The following CD1E variants were observed in gnomAD, a reference collection of about 807,000 sequenced individuals.
CD1E encodes the protein CD1e molecule, also known as T-cell surface glycoprotein CD1e, membrane-associated.
CD1E carries 49 observed loss-of-function variants against 40.1 expected under a neutral mutation model. That is an observed-to-expected ratio of 1.22 (90% CI 0.97 to 1.55). The LOEUF is 1.55. Among genes scored for constraint, CD1E ranks in the 40% most tolerant of loss-of-function variants. The pLI is 0.00. For missense variants in CD1E, 492 were observed against 471.3 expected, an observed-to-expected ratio of 1.04 and a Z score of -0.41; for synonymous variants, 189 against 178.3, an observed-to-expected ratio of 1.06 and a Z score of -0.48.
rs60818597 is a variant in CD1E, at chr1:158,356,199, C to T, written c.904+94C>T. 8,693 of 1,400,216 alleles carry T rather than the reference C, an allele frequency of 6.2e-3. 436 individuals carry two copies. The African/African-American group carries it at 0.11, about 17-fold the overall frequency. The allele number at this position is 1,400,216 out of a possible 1,614,324, so 86.7% of individuals were successfully genotyped here. On this transcript the variant is annotated intron_variant, in intron 4 of 5. Coordinates refer to ENST00000368167, the MANE Select transcript of CD1E (RefSeq NM_030893.4). ...AGGAAATGGGTAGGAATGCTAGGTACAAGAAGGGTAAAACTGGGACAATCA... is the reference window on the plus strand; with the variant it reads ...AGGAAATGGGTAGGAATGCTAGGTATAAGAAGGGTAAAACTGGGACAATCA...
At position 158,355,842 on chromosome 1, in the gene CD1E, G is replaced by A. The variant is rs776884208; in HGVS notation, c.641G>A (p.Trp214Ter). Residue 214 changes from tryptophan (W) to a stop codon, truncating the protein, a stop_gained, in exon 4 of 6, where the codon TGG becomes TAG. Transcript: ENST00000368167. LOFTEE classifies it high-confidence loss of function. ...ELKRKVKPEAWLSCGPSPGPG... is the reference protein window; with the variant it reads ...ELKRKVKPEA ...TTCTTCCTAGTGAAGCCAGAGGCCT[G>A]GCTGTCCTGTGGCCCCAGTCCTGGC... 1 of 1,613,336 alleles carries A rather than the reference G, an allele frequency of 6.2e-7. No homozygotes were observed. The highest frequency in any genetic ancestry group is 1.3e-5 in the African/African-American group (1 of 74,998).
rs149163969 is a variant in CD1E at position 158,355,604 on chromosome 1, A to G, written c.625+35A>G. 8.8e-3 allele frequency: 14,016 copies of G among 1,597,230 alleles called. 92 individuals carry two copies. The highest frequency in any genetic ancestry group is 9.0e-3 in the Non-Finnish European group (10,491 of 1,171,204). ...ACTCTCTCTCTCCCCTCTTGTTCCT[A>G]GTACTATAACTCTCATATTTGAATT... On this transcript the variant is annotated intron_variant, in intron 3 of 5. Transcript: ENST00000368167.
rs778114294 is a variant in CD1E at position 158,355,996 on chromosome 1, G to C, written c.795G>C (p.Glu265Asp). Reference sequence around the variant, plus strand: ...GGGACGTCCTGCCTAATGCTGACGAGACATGGTATCTCCGAGCAACCCTGG... The same window carrying C: ...GGGACGTCCTGCCTAATGCTGACGACACATGGTATCTCCGAGCAACCCTGG... Reference protein sequence around the residue: ...QRGDVLPNADETWYLRATLDV... With the variant: ...QRGDVLPNADDTWYLRATLDV... Residue 265 changes from glutamate to aspartate, a missense_variant, in exon 4 of 6, where the codon GAG becomes GAC. Coordinates refer to ENST00000368167, the MANE Select transcript of CD1E (RefSeq NM_030893.4). 3.8e-5 allele frequency: 61 copies of C among 1,614,068 alleles called. No individual in the cohort carries two copies. The highest frequency in any genetic ancestry group is 5.0e-5 in the Non-Finnish European group (59 of 1,180,050).
In CD1E at chr1:158,356,540, T is replaced by A. The variant is rs770494929; in HGVS notation, c.947T>A (p.Ile316Lys). 2 of 1,613,984 alleles carry A rather than the reference T, an allele frequency of 1.2e-6. No homozygotes were observed. Among genetic ancestry groups the A allele is most frequent in the East Asian group, 2.2e-5 (1 of 44,872 alleles). The change falls in exon 5 of 6, where the codon ATA becomes AAA. Residue 316 changes from isoleucine to lysine, a missense_variant. Ile to Lys is a moderately radical substitution (Grantham distance 102). Coordinates refer to ENST00000368167, the MANE Select transcript of CD1E (RefSeq NM_030893.4). ...CTCATCCTGATCTGTTTGACTGTGA[T>A]AGTTACCCTGGTCATATTGGTTGTA... ...IFLILICLTV[I>K]VTLVILVVVD...
chr1:158,354,215 G>C, intron 1 of CD1E, 162 bp from the exon 2 acceptor site: 1 of 931,378 alleles, frequency 1.1e-6, no homozygotes, highest in Non-Finnish European at 1.6e-6. Context: ...CTCAGTTTTT[G>C]TCTCTGATTT....
chr1:158,354,281 C>G (rs1312225897), intron 1 of CD1E, 96 bp from the exon 2 acceptor site: 1 of 1,202,232 alleles, frequency 8.3e-7, no homozygotes, highest in African/African-American at 1.5e-5. Context: ...TACAAGCTAC[C>G]TAACTGTCTC....
At position 158,356,553 on chromosome 1, in the gene CD1E, C is replaced by T; in HGVS notation, c.960C>T (p.Val320=). The change falls in exon 5 of 6, where the codon GTC becomes GTT. Residue 320 remains valine (V), a synonymous_variant. Coordinates refer to ENST00000368167, the MANE Select transcript of CD1E (RefSeq NM_030893.4). ...GTTTGACTGTGATAGTTACCCTGGT[C>T]ATATTGGTTGTAGTTGACTCACGGT... ...LICLTVIVTL[V]ILVVVDSRLK... The T allele has an allele frequency of 6.2e-7, 1 of 1,613,752 alleles. No individual in the cohort carries two copies. The highest frequency in any genetic ancestry group is 1.3e-5 in the African/African-American group (1 of 75,016).
Position 158,356,775 on chromosome 1 carries a change from T to C in CD1E, c.1046T>C (p.Leu349Pro), listed in dbSNP as rs375727294. ...CCCCACACACCCAGCCCTGTCTTTC[T>C]CATGGGAGCCAACACTCAGGACACC... The part of the protein sequence containing the change: ...LSPHTPSPVF[L>P]MGANTQDTKN... The change falls in exon 6 of 6, where the codon CTC becomes CCC. Residue 349 changes from leucine (L) to proline (P), a missense_variant. Coordinates refer to ENST00000368167, the MANE Select transcript of CD1E (RefSeq NM_030893.4). The C allele has an allele frequency of 2.5e-6, 4 of 1,613,876 alleles. No individual in the cohort carries two copies. The highest frequency in any genetic ancestry group is 1.3e-5 in the African/African-American group (1 of 74,870).
At position 158,353,918 on chromosome 1, in the gene CD1E, A is replaced by C. The variant is rs548896452; in HGVS notation, c.-71A>C. On this transcript the variant is annotated 5_prime_UTR_variant, in exon 1 of 6. Coordinates refer to ENST00000368167, the MANE Select transcript of CD1E (RefSeq NM_030893.4). ...CAGACGAGAGTGCAAGAGGGTGTGG[A>C]GAGGGGTACTGATATCTGAATTATT... 216 of 1,202,858 alleles carry C rather than the reference A, an allele frequency of 1.8e-4. 1 individual carries two copies. The highest frequency in any genetic ancestry group is 2.5e-4 in the Non-Finnish European group (205 of 807,284). 74.5% of individuals were successfully genotyped at this position (1,202,858 alleles called of 1,614,324 possible). A position where few individuals can be genotyped will look rare whatever the true frequency, so the allele number is the denominator to read the frequency against.
rs1267217406 is a variant in CD1E at position 158,356,741 on chromosome 1, A to G, written c.1012A>G (p.Ile338Val). Residue 338 changes from isoleucine to valine, a missense_variant, in exon 6 of 6, where the codon ATT (isoleucine) becomes GTT (valine). Transcript: ENST00000368167. ...CTTTTCCCACAGTTCAAATAAGAAC[A>G]TTCTTTCTCCCCACACACCCAGCCC... ...RLKKQSSNKN[I>V]LSPHTPSPVF... The G allele has an allele frequency of 6.2e-7, 1 of 1,613,166 alleles. No homozygotes were observed. The highest frequency in any genetic ancestry group is 8.5e-7 in the Non-Finnish European group (1 of 1,179,888).
Position 158,355,496 on chromosome 1 carries a change from C to A in CD1E, c.552C>A (p.Ser184Arg). The change falls in exon 3 of 6, where the codon AGC becomes AGA. Residue 184 changes from serine (S) to arginine (R), a missense_variant. Transcript: ENST00000368167. The part of the protein sequence containing the change: ...RYLDIKEILQ[S>R]LLGHTCPRFL... Reference sequence around the variant, plus strand: ...TAGATATTAAGGAAATACTGCAAAGCCTTCTTGGTCACACCTGCCCTCGAT... The same window carrying A: ...TAGATATTAAGGAAATACTGCAAAGACTTCTTGGTCACACCTGCCCTCGAT... 1 of 1,614,106 alleles carries A rather than the reference C, an allele frequency of 6.2e-7. No individual in the cohort carries two copies. The highest frequency in any genetic ancestry group is 8.5e-7 in the Non-Finnish European group (1 of 1,179,998).
At chr1:158,356,640 C>G (rs776410220) in intron 5 of CD1E, 49 bp downstream of exon 5, 2 of 1,577,680 alleles carry the variant, frequency 1.3e-6, no homozygotes, top group Non-Finnish European at 8.6e-7. Context: ...TCAATTCATT[C>G]CTTTTTCCTC....
At chr1:158,354,751 C>T (rs1653405288) in intron 2 of CD1E, 78 bp downstream of exon 2, 2 of 1,268,590 alleles carry the variant, frequency 1.6e-6, no homozygotes, top group African/African-American at 1.5e-5. Context: ...TATATAGACT[C>T]TGACCATCAT....
rs537024029 is a variant in CD1E at position 158,354,538 on chromosome 1, A to C, written c.220A>C (p.Ile74Leu). Residue 74 changes from isoleucine to leucine, a missense_variant, in exon 2 of 6, where the codon ATC becomes CTC. Physicochemically the swap from Ile to Leu is conservative, Grantham distance 5. Coordinates refer to ENST00000368167, the MANE Select transcript of CD1E (RefSeq NM_030893.4). ...TGGCTGGGACACTGTCTTGGGCACC[A>C]TCCGCTTTCTGAAGCCCTGGTCCCA... ...THGWDTVLGTIRFLKPWSHGN... is the reference protein window; with the variant it reads ...THGWDTVLGTLRFLKPWSHGN... The C allele has an allele frequency of 6.2e-7, 1 of 1,614,116 alleles. No homozygotes were observed. The highest frequency in any genetic ancestry group is 8.5e-7 in the Non-Finnish European group (1 of 1,180,018).
rs772845991 is a variant in CD1E, at chr1:158,356,110, G to T, written c.904+5G>T. On this transcript the variant is annotated splice_donor_5th_base_variant and intron_variant, in intron 4 of 5. Coordinates refer to ENST00000368167, the MANE Select transcript of CD1E (RefSeq NM_030893.4). ...ATGATCTAATCATCCATTGGGGTGA[G>T]AAACAGCTGAGGCTCTGCTGGGAAA... 1 of 1,613,380 alleles carries T rather than the reference G, an allele frequency of 6.2e-7. No homozygotes were observed. Among genetic ancestry groups the T allele is most frequent in the African/African-American group, 1.3e-5 (1 of 74,932 alleles).
intron 1 of CD1E, 141 bp from the exon 2 acceptor site, chr1:158,354,236 A>T: frequency 1.0e-6 from 1 of 955,702 alleles, no homozygotes; most frequent in South Asian, 1.6e-5. Context: ...TGGAGAAAGG[A>T]AGCTGGCCCC....
rs369676002 is a variant in CD1E at position 158,356,871 on chromosome 1, A to G, written c.1142A>G (p.Lys381Arg). ...WIKNRVLKKW[K>R]TRLNQLW ...AAAAACAGAGTATTGAAGAAGTGGA[A>G]GACACGCCTAAACCAACTCTGGTGA... The change falls in exon 6 of 6, where the codon AAG (lysine) becomes AGG (arginine). Residue 381 changes from lysine (K) to arginine (R), a missense_variant. Lys to Arg is a conservative substitution (Grantham distance 26, BLOSUM62 2). Coordinates refer to ENST00000368167, the MANE Select transcript of CD1E (RefSeq NM_030893.4). The G allele has an allele frequency of 2.0e-5, 33 of 1,613,974 alleles. No individual in the cohort carries two copies. The East Asian group carries it at 3.3e-4, about 16-fold the overall frequency.
Position 158,354,000 on chromosome 1 carries a change from G to C in CD1E, c.12G>C (p.Leu4=), listed in dbSNP as rs373877618. MLL[L]FLLFEGLCCP... ...TTAACAGAGCTTCAATGCTGCTCCT[G>C]TTCCTCCTCTTCGAGGGTCTCTGCT... Residue 4 remains leucine (L), a synonymous_variant, in exon 1 of 6, where the codon CTG becomes CTC. Coordinates refer to ENST00000368167, the MANE Select transcript of CD1E (RefSeq NM_030893.4). The C allele has an allele frequency of 6.2e-7, 1 of 1,614,018 alleles. No individual in the cohort carries two copies. Among genetic ancestry groups the C allele is most frequent in the Non-Finnish European group, 8.5e-7 (1 of 1,179,958 alleles).
Position 158,354,592 on chromosome 1 carries a change from A to G in CD1E, c.274A>G (p.Asn92Asp). ...HGNFSKQELK[N>D]LQSLFQLYFH... is the part of the protein sequence containing the mutation. ...AAACTTCAGCAAGCAGGAGCTGAAA[A>G]ACTTACAGTCACTGTTCCAGTTATA... The change falls in exon 2 of 6, where the codon AAC becomes GAC. Residue 92 changes from asparagine (N) to aspartate (D), a missense_variant. By Grantham distance (23) the Asn-to-Asp change is conservative. Transcript: ENST00000368167. 1 of 1,614,092 alleles carries G rather than the reference A, an allele frequency of 6.2e-7. No homozygotes were observed. The highest frequency in any genetic ancestry group is 8.5e-7 in the Non-Finnish European group (1 of 1,180,012).
Sources: gnomAD v4.1 joint callset for allele counts on GRCh38, gnomAD v4.1.1 for gene constraint, MANE v1.5 for transcripts, NCBI Gene and HGNC (gene_info 2026-07-23, HGNC 2026-07-21) for gene names.